The following MMAA variants were observed in gnomAD, a reference collection of about 807,000 sequenced individuals.
MMAA encodes the protein methylmalonic aciduria type A protein, mitochondrial.
MMAA carries 41 observed loss-of-function variants against 45.0 expected under a neutral mutation model. The observed-to-expected ratio is 0.91, with a 90% confidence interval of 0.71 to 1.18. The LOEUF (loss-of-function observed/expected upper bound fraction) is 1.18. MMAA is among the 50% of genes most tolerant of loss of function. MMAA has a pLI of 0.00. For missense variants in MMAA, 460 were observed against 495.7 expected, an observed-to-expected ratio of 0.93 and a Z score of 0.68; for synonymous variants, 154 against 178.2, an observed-to-expected ratio of 0.86 and a Z score of 1.08.
At chr4:145,653,898 G>A in intron 5 of MMAA, 96 bp from the exon 6 acceptor site, 1 of 1,338,046 alleles carries the variant, frequency 7.5e-7, no homozygotes, top group Middle Eastern at 2.4e-4. Flanking sequence ...GGATATGGAT[G>A]AAAAGTTAAT....
chr4:145,634,644 T>C (rs1272651240), intron 1 of MMAA, among the ~76,000 whole-genome samples: 2 of 151,950 alleles, frequency 1.3e-5, no homozygotes, highest in African/African-American at 4.8e-5. Context: ...TCTCGCCCTG[T>C]ATCTAGTGCA....
intron 1 of MMAA, among the ~76,000 whole-genome samples, chr4:145,634,884 C>CT (rs1435000875): frequency 2.0e-5 from 3 of 151,926 alleles, no homozygotes; most frequent in Non-Finnish European, 4.4e-5. Context: ...CCTCATGACT[C>CT]TAACTGGTGC....
In MMAA at chr4:145,639,346, A is replaced by G; in HGVS notation, c.207A>G (p.Thr69=). The change falls in exon 2 of 7, where the codon ACA becomes ACG. Residue 69 remains threonine (T), a synonymous_variant. Transcript: ENST00000649156. ...DGLKRKLCVQ[T]TLKDHTEGLS... is the part of the protein sequence containing the mutation. ...TAAAGAGAAAATTATGTGTACAAAC[A>G]ACCTTAAAGGACCACACAGAAGGAC... 1 of 1,614,224 alleles carries G rather than the reference A, an allele frequency of 6.2e-7. No individual in the cohort carries two copies. Among genetic ancestry groups the G allele is most frequent in the Non-Finnish European group, 8.5e-7 (1 of 1,180,048 alleles).
chr4:145,638,605 A>C (rs543731164), intron 1 of MMAA, among the ~76,000 whole-genome samples: 8 of 152,322 alleles, frequency 5.3e-5, no homozygotes, highest in African/African-American at 1.9e-4. Flanking sequence ...CATGTATCTA[A>C]ACTTACACCT....
chr4:145,650,896 A>G (rs1728069194), intron 4 of MMAA, 166 bp from the exon 5 acceptor site: 1 of 687,414 alleles, frequency 1.5e-6, no homozygotes, highest in Non-Finnish European at 2.6e-6. Context: ...AGGGTAAGAT[A>G]TGACATTTAA....
chr4:145,646,253 C>T, intron 4 of MMAA, 97 bp downstream of exon 4: 1 of 1,375,782 alleles, frequency 7.3e-7, no homozygotes, highest in South Asian at 1.2e-5. Flanking sequence ...CAGATATTTG[C>T]TAAATGTATA....
chr4:145,639,540 A>G lies in MMAA; in HGVS notation c.401A>G (p.Glu134Gly). 1 of 1,611,356 alleles carries G rather than the reference A, an allele frequency of 6.2e-7. No homozygotes were observed. The highest frequency in any genetic ancestry group is 8.5e-7 in the Non-Finnish European group (1 of 1,178,484). ...QKVLLYHREQ[E>G]QSNKGKPLAF... The stretch of plus-strand genomic sequence containing the variant: ...GTATTACTTTACCACAGAGAACAAG[A>G]ACAATCAAATAAAGGAAAACCACTA... The change falls in exon 2 of 7, where the codon GAA (glutamate) becomes GGA (glycine). Residue 134 changes from glutamate to glycine, a missense_variant. Glu to Gly is a moderately conservative substitution (Grantham distance 98, BLOSUM62 -2). Coordinates refer to ENST00000649156, the MANE Select transcript of MMAA (RefSeq NM_172250.3).
chr4:145,627,695 T>G (rs553581149), intron 1 of MMAA, among the ~76,000 whole-genome samples: 1 of 152,294 alleles, frequency 6.6e-6, no homozygotes, highest in African/African-American at 2.4e-5. Context: ...GGGGAAGATG[T>G]ATCTCTGAGG....
chr4:145,624,352 G>A (rs1288239103), intron 1 of MMAA: 4 of 783,442 alleles, frequency 5.1e-6, no homozygotes, highest in Non-Finnish European at 9.4e-6. Context: ...GAGGATAGCT[G>A]GCTGAGGTTG....
intron 3 of MMAA, among the ~76,000 whole-genome samples, chr4:145,643,029 C>T (rs1405788180): frequency 6.6e-6 from 1 of 152,100 alleles, no homozygotes; most frequent in Non-Finnish European, 1.5e-5. Flanking sequence ...GTACATTGTA[C>T]GTTGCACAGA....
At chr4:145,646,890 T>C (rs561941117) in intron 4 of MMAA, among the ~76,000 whole-genome samples, 9 of 152,202 alleles carry the variant, frequency 5.9e-5, no homozygotes, top group Middle Eastern at 6.8e-3. Flanking sequence ...GGGAGGTCAG[T>C]TGGAGCAGTA....
In MMAA at chr4:145,655,301, T is replaced by C. The variant is rs749624035; in HGVS notation, c.1124T>C (p.Val375Ala). 7.4e-6 allele frequency: 12 copies of C among 1,614,150 alleles called. No homozygotes were observed. Among genetic ancestry groups the C allele is most frequent in the Non-Finnish European group, 1.0e-5 (12 of 1,180,028 alleles). The change falls in exon 7 of 7, where the codon GTG becomes GCG. Residue 375 changes from valine to alanine, a missense_variant. Physicochemically the swap from Val to Ala is moderately conservative, Grantham distance 64. Coordinates refer to ENST00000649156, the MANE Select transcript of MMAA (RefSeq NM_172250.3). The stretch of plus-strand genomic sequence containing the variant: ...ATGTGGAATCTCATTCAGGAAAGTG[T>C]GTTAGAGCATTTCAGGACCCACCCC... ...VWMWNLIQES[V>A]LEHFRTHPTV...
rs902827657 is a variant in MMAA at position 145,656,980 on chromosome 4, A to G, written c.*1546A>G. The G allele has an allele frequency of 1.3e-5, 2 of 152,186 alleles. No homozygotes were observed. The highest frequency in any genetic ancestry group is 6.5e-5 in the Admixed American group (1 of 15,276). The allele number at this position is 152,186 out of a possible 1,614,324, so 9.4% of individuals were successfully genotyped here. On this transcript the variant is annotated 3_prime_UTR_variant, in exon 7 of 7. Coordinates refer to ENST00000649156, the MANE Select transcript of MMAA (RefSeq NM_172250.3). ...TCTGATTTTAGAAAGGACTACCATTAAACCACCCTATCAGACAAAAAAAAC... is the reference window on the plus strand; with the variant it reads ...TCTGATTTTAGAAAGGACTACCATTGAACCACCCTATCAGACAAAAAAAAC...
rs889846778 is a variant in MMAA at position 145,640,170 on chromosome 4, G to T, written c.439+592G>T. 2.7e-5 allele frequency among the ~76,000 whole-genome samples: 4 copies of T among 150,938 alleles called. No individual in the cohort carries two copies. The South Asian group carries it at 8.4e-4, about 32-fold the overall frequency. ...CGCCCAGGCTGGAGTGCAGTGGCGC[G>T]ATCTCGGCTCACTGCAACCTCTGCC... is the stretch of plus-strand genomic sequence containing the variant. On this transcript the variant is annotated intron_variant, in intron 2 of 6. Transcript: ENST00000649156.
intron 1 of MMAA, among the ~76,000 whole-genome samples, chr4:145,635,166 A>G (rs1727577027): frequency 6.6e-6 from 1 of 152,094 alleles, no homozygotes; most frequent in African/African-American, 2.4e-5. Flanking sequence ...CTTGTGGCCT[A>G]GACTGCCATT....
chr4:145,632,295 T>C (rs1022808130), intron 1 of MMAA, among the ~76,000 whole-genome samples: 2 of 152,236 alleles, frequency 1.3e-5, no homozygotes, highest in Non-Finnish European at 2.9e-5. Flanking sequence ...TTTGTTTTTT[T>C]CCCTTCAGCA....
At chr4:145,622,077 G>A (rs1027297079) in intron 1 of MMAA, among the ~76,000 whole-genome samples, 41 of 152,280 alleles carry the variant, frequency 2.7e-4, no homozygotes, top group African/African-American at 9.1e-4. Context: ...AACTGATATG[G>A]TTTGGCTGTG....
chr4:145,645,743 G>T (rs1420514256), intron 3 of MMAA, among the ~76,000 whole-genome samples: 1 of 152,204 alleles, frequency 6.6e-6, no homozygotes, highest in Non-Finnish European at 1.5e-5. Flanking sequence ...GTAAGGTGCG[G>T]CTGAAGAATC....
At chr4:145,625,877 G>A in intron 1 of MMAA, 1 of 1,447,100 alleles carries the variant, frequency 6.9e-7, no homozygotes, top group Middle Eastern at 1.8e-4. Context: ...TTATGCAACT[G>A]TGAATCTGAG....
Sources: gnomAD v4.1 joint callset for allele counts (sites outside exome capture counted in the v4.1 genomes callset) on GRCh38, gnomAD v4.1.1 for gene constraint, MANE v1.5 for transcripts, NCBI Gene and HGNC (gene_info 2026-07-23, HGNC 2026-07-21) for gene names.